PCDHGA9: variants seen among roughly 807,000 people sequenced by gnomAD.
PCDHGA9 encodes protocadherin gamma-A9.
A neutral mutation model predicts 62.5 loss-of-function variants in PCDHGA9; 37 were observed. That is an observed-to-expected ratio of 0.59 (90% confidence interval 0.46 to 0.78). The LOEUF is 0.78. Among genes scored for constraint, PCDHGA9 ranks in the 30% least tolerant of loss-of-function variants. PCDHGA9 has a pLI of 0.00. For synonymous variants in PCDHGA9, 459 were observed against 484.6 expected, an observed-to-expected ratio of 0.95 and a Z score of 0.69; for missense variants, 1,138 against 1,166.2, an observed-to-expected ratio of 0.98 and a Z score of 0.35.
At chr5:141,409,507 T>C (rs1220086382) in intron 1 of PCDHGA9, 3 of 1,613,982 alleles carry the variant, frequency 1.9e-6, no homozygotes, top group South Asian at 1.1e-5. Flanking sequence ...TTTCTTCCAG[T>C]AGAAGCATCA....
chr5:141,468,598 G>A (rs1250884127), intron 1 of PCDHGA9: 1 of 152,228 alleles, frequency 6.6e-6, no homozygotes, highest in African/African-American at 2.4e-5. Context: ...TGGGCGCGGT[G>A]GCTCACGCCT....
chr5:141,420,321 C>G (rs763682825), intron 1 of PCDHGA9: 2 of 1,410,974 alleles, frequency 1.4e-6, no homozygotes, highest in Non-Finnish European at 1.9e-6. Flanking sequence ...TACAATATGC[C>G]AATATATTCC....
chr5:141,414,306 T>A lies in PCDHGA9; in HGVS notation c.2424+8930T>A, dbSNP rs778408885. The A allele has an allele frequency of 6.2e-6, 10 of 1,613,584 alleles. No homozygotes were observed. The Admixed American group carries it at 1.2e-4, about 19-fold the overall frequency. Reference sequence around the variant, plus strand: ...TCGTAGCCCTTTTAAATGTGCATGATTTAGACTCTGAGCAGAATGGACAGG... The same window carrying A: ...TCGTAGCCCTTTTAAATGTGCATGAATTAGACTCTGAGCAGAATGGACAGG... On this transcript the variant is annotated intron_variant, in intron 1 of 3. Coordinates refer to ENST00000573521, the MANE Select transcript of PCDHGA9 (RefSeq NM_018921.3).
intron 1 of PCDHGA9, chr5:141,428,587 G>T: frequency 4.4e-6 from 1 of 226,768 alleles, no homozygotes; most frequent in Non-Finnish European, 8.9e-6. Context: ...AGTTTCTCTG[G>T]TAGCAAGCTT....
rs775989253 is a variant in PCDHGA9 at position 141,491,769 on chromosome 5, G to A, written c.2425-3038G>A. On this transcript the variant is annotated intron_variant, in intron 1 of 3. Transcript: ENST00000573521. The surrounding 1 kb of genome is among the most constrained non-coding windows in gnomAD (Gnocchi z 6.9). ...CTGGAGAAGCCGCCCGTCCTCATAA[G>A]GGATTGAACTTGCATCCACTCCTCT... 6.4e-7 allele frequency: 1 copy of A among 1,562,376 alleles called. No homozygotes were observed. Among genetic ancestry groups the A allele is most frequent in the African/African-American group, 1.4e-5 (1 of 73,058 alleles).
chr5:141,482,363 G>C (rs2099556985), intron 1 of PCDHGA9, among the ~76,000 whole-genome samples: 1 of 152,086 alleles, frequency 6.6e-6, no homozygotes, highest in African/African-American at 2.4e-5. Flanking sequence ...AGAGTGAAAA[G>C]TAATGCATAT....
At chr5:141,461,051 A>G (rs1238514064) in intron 1 of PCDHGA9, among the ~76,000 whole-genome samples, 1 of 151,734 alleles carries the variant, frequency 6.6e-6, no homozygotes, top group East Asian at 1.9e-4. Flanking sequence ...ATGGGGACTT[A>G]GGTTGGTTTC....
intron 2 of PCDHGA9, among the ~76,000 whole-genome samples, chr5:141,504,211 A>G (rs2099836609): frequency 6.6e-6 from 1 of 152,218 alleles, no homozygotes. Flanking sequence ...GGAAAATTCC[A>G]AGTAGAGCTG....
chr5:141,497,323 G>A lies in PCDHGA9; in HGVS notation c.2483+2458G>A, dbSNP rs373068300. Reference sequence around the variant, plus strand: ...CAGGCCATACACTGGCTTTGAAGCAGAATTCACCATTGAACCTGGAAGCCC... The same window carrying A: ...CAGGCCATACACTGGCTTTGAAGCAAAATTCACCATTGAACCTGGAAGCCC... On this transcript the variant is annotated intron_variant, in intron 2 of 3. Transcript: ENST00000573521. 1.2e-4 allele frequency among the ~76,000 whole-genome samples: 19 copies of A among 152,204 alleles called. No homozygotes were observed. In the East Asian group the frequency reaches 3.5e-3, roughly 28 times the overall value.
At chr5:141,445,538 G>A (rs1188324168) in intron 1 of PCDHGA9, among the ~76,000 whole-genome samples, 1 of 152,168 alleles carries the variant, frequency 6.6e-6, no homozygotes, top group African/African-American at 2.4e-5. Flanking sequence ...AGCCAACAAG[G>A]AGAAATACAA....
chr5:141,408,789 T>C, intron 1 of PCDHGA9: 1 of 1,612,724 alleles, frequency 6.2e-7, no homozygotes, highest in Non-Finnish European at 8.5e-7. Context: ...GAGTTATCTC[T>C]GGAGAAACTC....
intron 1 of PCDHGA9, among the ~76,000 whole-genome samples, chr5:141,447,104 A>G (rs1212797996): frequency 2.0e-5 from 3 of 151,958 alleles, no homozygotes; most frequent in African/African-American, 7.3e-5. Flanking sequence ...TCACATGATT[A>G]TATGTGCTCC....
At chr5:141,444,725 T>C (rs1178418239) in intron 1 of PCDHGA9, among the ~76,000 whole-genome samples, 1 of 152,370 alleles carries the variant, frequency 6.6e-6, no homozygotes, top group East Asian at 1.9e-4. Flanking sequence ...TTGGTGCCTT[T>C]GTTGAAAGTC....
At position 141,487,621 on chromosome 5, in the gene PCDHGA9, A is replaced by G; in HGVS notation, c.2425-7186A>G. The G allele has an allele frequency of 6.2e-7, 1 of 1,614,164 alleles. No individual in the cohort carries two copies. On this transcript the variant is annotated intron_variant, in intron 1 of 3. Transcript: ENST00000573521. This position sits in a 1 kb window ranked among gnomAD's most constrained non-coding sequence, Gnocchi z 5.0. ...ATCTTCTCTATGGGCTAGAGGTGAG[A>G]CCTTTGCAGGCTCAACAAATGCTTG... is the stretch of plus-strand genomic sequence containing the variant.
intron 1 of PCDHGA9, among the ~76,000 whole-genome samples, chr5:141,438,325 A>C (rs1400796518): frequency 6.6e-6 from 1 of 151,948 alleles, no homozygotes; most frequent in African/African-American, 2.4e-5. Context: ...AATTTTTCTT[A>C]TACATGTCAT....
At position 141,476,097 on chromosome 5, in the gene PCDHGA9, A is replaced by G. The variant is rs1366023758; in HGVS notation, c.2425-18710A>G. 1 of 1,571,812 alleles carries G rather than the reference A, an allele frequency of 6.4e-7. No individual in the cohort carries two copies. Among genetic ancestry groups the G allele is most frequent in the African/African-American group, 1.4e-5 (1 of 73,826 alleles). ...CAGGGACGATCTGGACCCCGCTGAG[A>G]GGAACTGCTTTTGAGTGAGATGGTC... On this transcript the variant is annotated intron_variant, in intron 1 of 3. Coordinates refer to ENST00000573521, the MANE Select transcript of PCDHGA9 (RefSeq NM_018921.3). The surrounding 1 kb of genome is among the most constrained non-coding windows in gnomAD (Gnocchi z 7.6).
At chr5:141,442,701 A>AG (rs1388473196) in intron 1 of PCDHGA9, among the ~76,000 whole-genome samples, 5 of 152,258 alleles carry the variant, frequency 3.3e-5, no homozygotes, top group Non-Finnish European at 7.3e-5. Flanking sequence ...AGACAAGAGT[A>AG]TCAGACATGC....
At chr5:141,420,748 C>G (rs2096523185) in intron 1 of PCDHGA9, among the ~76,000 whole-genome samples, 1 of 152,214 alleles carries the variant, frequency 6.6e-6, no homozygotes, top group Non-Finnish European at 1.5e-5. Context: ...TTGGAACCAA[C>G]TACAACCTAC....
chr5:141,459,302 A>G (rs1401348885), intron 1 of PCDHGA9, among the ~76,000 whole-genome samples: 1 of 152,328 alleles, frequency 6.6e-6, no homozygotes, highest in Admixed American at 6.5e-5. Context: ...CCTATAACAT[A>G]TACTATTTTG....
Sources: allele counts gnomAD v4.1 joint callset (sites outside exome capture counted in the v4.1 genomes callset), GRCh38; gene constraint gnomAD v4.1.1; non-coding constraint Gnocchi (gnomAD v3.1); transcripts MANE v1.5; gene names NCBI Gene and HGNC (gene_info 2026-07-23, HGNC 2026-07-21).